YES1: variants seen among roughly 807,000 people sequenced by gnomAD.
The protein encoded by YES1 is tyrosine-protein kinase Yes.
YES1 carries 39 observed loss-of-function variants against 70.4 expected under a neutral mutation model. That is an observed-to-expected ratio of 0.55 (90% CI 0.43 to 0.72). The LOEUF (loss-of-function observed/expected upper bound fraction) is 0.72, where lower values mean the gene tolerates loss of function less well. YES1 is among the 30% of genes least tolerant of loss of function. The probability of loss-of-function intolerance (pLI) is 0.00; values close to 1 mark genes in which losing one functional copy is unlikely to be tolerated. For synonymous variants in YES1, 198 were observed against 218.6 expected, an observed-to-expected ratio of 0.91 and a Z score of 0.83; for missense variants, 495 against 644.8, an observed-to-expected ratio of 0.77 and a Z score of 2.52.
intron 11 of YES1, among the ~76,000 whole-genome samples, chr18:724,977 G>A (rs983991113): frequency 1.3e-5 from 2 of 152,168 alleles, no homozygotes; most frequent in African/African-American, 4.8e-5. Flanking sequence ...TTGGGTTACT[G>A]AGGAATGGTG....
Position 797,838 on chromosome 18 carries a change from G to A in YES1, c.-9+14276C>T, listed in dbSNP as rs1023716811. Among the ~76,000 whole-genome samples, 2 of 152,158 alleles carry A rather than the reference G, an allele frequency of 1.3e-5. 1 individual carries two copies. The highest frequency in any genetic ancestry group is 4.8e-5 in the African/African-American group (2 of 41,434). On this transcript the variant is annotated intron_variant, in intron 1 of 11. Coordinates refer to ENST00000314574, the MANE Select transcript of YES1 (RefSeq NM_005433.4). ...CTCTCTTACTGGTAGGGCCCTGGAA[G>A]TATCAGAAATACCTTTCAGAACCTT...
At chr18:812,257 G>A (rs1351917066), upstream of YES1, 1 of 151,724 alleles carries the variant, frequency 6.6e-6, no homozygotes, top group Non-Finnish European at 1.5e-5. Context: ...GAGCCGGCCC[G>A]GGACGCGTTA....
intron 1 of YES1, among the ~76,000 whole-genome samples, chr18:764,195 T>C (rs1356096510): frequency 2.0e-5 from 3 of 152,192 alleles, no homozygotes; most frequent in Non-Finnish European, 4.4e-5. Context: ...TATACGTGTA[T>C]TAAGGGTTGG....
At chr18:734,231 A>T (rs2080125129) in intron 10 of YES1, among the ~76,000 whole-genome samples, 2 of 150,596 alleles carry the variant, frequency 1.3e-5, no homozygotes, top group African/African-American at 2.5e-5. Flanking sequence ...GTGAGCCAAG[A>T]TCATGCCACT....
chr18:779,329 G>C (rs1905537919), intron 1 of YES1, among the ~76,000 whole-genome samples: 1 of 151,710 alleles, frequency 6.6e-6, no homozygotes, highest in Non-Finnish European at 1.5e-5. Context: ...GCTTGAGCCT[G>C]GGAGGTCAAG....
chr18:806,438 T>C (rs75185628), intron 1 of YES1, among the ~76,000 whole-genome samples: 8,661 of 152,272 alleles, frequency 0.057, 346 homozygotes, highest in East Asian at 0.13. Context: ...AACTTCGAGC[T>C]ATGAAAAAGT....
chr18:811,735 C>CCG (rs980039857), intron 1 of YES1, among the ~76,000 whole-genome samples: 8 of 152,366 alleles, frequency 5.3e-5, no homozygotes, highest in Admixed American at 2.0e-4. Flanking sequence ...CCCAAAGGGG[C>CCG]CGCTTCCCTC....
chr18:802,454 G>A (rs1302385065), intron 1 of YES1, among the ~76,000 whole-genome samples: 1 of 150,360 alleles, frequency 6.7e-6, no homozygotes, highest in South Asian at 2.1e-4. Context: ...TGAGGCAGAA[G>A]AATCGCTTGA....
At chr18:735,697 C>A (rs1458127610) in intron 10 of YES1, 1 of 152,076 alleles carries the variant, frequency 6.6e-6, no homozygotes, top group Admixed American at 6.6e-5. Context: ...CTGGGCTGGG[C>A]AACAGAGTGA....
intron 1 of YES1, 91 bp downstream of exon 1, chr18:812,014 ACCGCGGCGG>A (rs1440940676): frequency 2.2e-5 from 3 of 134,122 alleles, no homozygotes; most frequent in Non-Finnish European, 4.0e-5. Context: ...GGGGCGGGGA[ACCGCGGCGG>A]CGGCGGCGGC....
intron 1 of YES1, among the ~76,000 whole-genome samples, chr18:784,396 A>C (rs1202942483): frequency 1.3e-5 from 2 of 152,258 alleles, no homozygotes; most frequent in Non-Finnish European, 2.9e-5. Flanking sequence ...TCTATGTCAC[A>C]AAACTAGTAA....
At chr18:739,199 T>A (rs935306050) in intron 9 of YES1, 1 of 152,270 alleles carries the variant, frequency 6.6e-6, no homozygotes, top group African/African-American at 2.4e-5. Flanking sequence ...CTGGTTCTAA[T>A]ACTCGTTCTG....
At chr18:801,134 A>T (rs1161658885) in intron 1 of YES1, among the ~76,000 whole-genome samples, 1 of 152,146 alleles carries the variant, frequency 6.6e-6, no homozygotes, top group Non-Finnish European at 1.5e-5. Context: ...CAACAGAGCG[A>T]GACTCCATCT....
chr18:805,227 T>C (rs1282081747), intron 1 of YES1, among the ~76,000 whole-genome samples: 1 of 152,168 alleles, frequency 6.6e-6, no homozygotes, highest in East Asian at 1.9e-4. Context: ...GGCCATATAG[T>C]ATGGCCTATT....
At chr18:746,671 T>C (rs1040699493) in intron 4 of YES1, among the ~76,000 whole-genome samples, 1 of 152,224 alleles carries the variant, frequency 6.6e-6, no homozygotes, top group Non-Finnish European at 1.5e-5. Flanking sequence ...GCACCTATCA[T>C]ATACAAGGTA....
rs949735678 is a variant in YES1, at chr18:780,789, C to T, written c.-8-23954G>A. Among the ~76,000 whole-genome samples, 5 of 152,154 alleles carry T rather than the reference C, an allele frequency of 3.3e-5. No homozygotes were observed. The South Asian group carries it at 6.2e-4, about 19-fold the overall frequency. On this transcript the variant is annotated intron_variant, in intron 1 of 11. Coordinates refer to ENST00000314574, the MANE Select transcript of YES1 (RefSeq NM_005433.4). ...ACTTCCCTTGACTACTAATTATTTA[C>T]GGTCTGGATTATTGCAAAAGCCTCT...
intron 1 of YES1, among the ~76,000 whole-genome samples, chr18:765,153 T>C (rs1904818607): frequency 6.7e-6 from 1 of 149,408 alleles, no homozygotes; most frequent in African/African-American, 2.5e-5. Context: ...GGAGAGAAAT[T>C]AGGAAGCAAC....
intron 2 of YES1, 76 bp downstream of exon 2, chr18:756,481 G>T: frequency 6.6e-7 from 1 of 1,524,090 alleles, no homozygotes; most frequent in Non-Finnish European, 8.9e-7. Flanking sequence ...TTTCTTAAAG[G>T]CAGACAAGCC....
intron 1 of YES1, among the ~76,000 whole-genome samples, chr18:759,076 T>TA (rs2145747116): frequency 6.6e-6 from 1 of 152,356 alleles, no homozygotes; most frequent in East Asian, 1.9e-4. Flanking sequence ...TAGCTACATA[T>TA]ATTAAAATAG....
Sources: allele counts gnomAD v4.1 joint callset (sites outside exome capture counted in the v4.1 genomes callset), GRCh38; gene constraint gnomAD v4.1.1; transcripts MANE v1.5; gene names NCBI Gene and HGNC (gene_info 2026-07-23, HGNC 2026-07-21).